HAL: variants seen among roughly 807,000 people sequenced by gnomAD.
The protein encoded by HAL is histidase.
Under a neutral mutation model 81.1 loss-of-function variants are expected in HAL, and 85 were observed. That is an observed-to-expected ratio of 1.05 (90% CI 0.88 to 1.25). The LOEUF (loss-of-function observed/expected upper bound fraction) is 1.25. HAL is among the 50% of genes most tolerant of loss of function. The pLI, the probability that HAL is intolerant of heterozygous loss-of-function variation, is 0.00. For synonymous variants in HAL, 301 were observed against 309.2 expected (o/e 0.97, Z 0.28); for missense variants, 798 against 836.6 (o/e 0.95, Z 0.57).
At chr12:95,984,816 T>C (rs1949859403) in intron 14 of HAL, among the ~76,000 whole-genome samples, 1 of 152,246 alleles carries the variant, frequency 6.6e-6, no homozygotes, top group Admixed American at 6.5e-5. Flanking sequence ...TAGATCTAAT[T>C]TGGCAATTCT....
chr12:95,976,437 C>T lies in HAL; in HGVS notation c.1825G>A (p.Glu609Lys). 1 of 1,613,636 alleles carries T rather than the reference C, an allele frequency of 6.2e-7. No homozygotes were observed. The highest frequency in any genetic ancestry group is 1.1e-5 in the South Asian group (1 of 91,056). The change falls in exon 20 of 21, where the codon GAG becomes AAG. Residue 609 changes from glutamate to lysine, a missense_variant. By Grantham distance (56) the Glu-to-Lys change is moderately conservative. Coordinates refer to ENST00000261208, the MANE Select transcript of HAL (RefSeq NM_002108.4). ...DIEAAHRLLL[E>K]QKVWEVAAPY... ...CCAAGGAGCCAGCTTGCCTTCTGCT[C>T]CAGGAGCAGCCTGTGGGCTGCCTCG...
rs1200148296 is a variant in HAL at position 95,990,614 on chromosome 12, C to T, written c.716-82G>A. 5 of 1,098,170 alleles carry T rather than the reference C, an allele frequency of 4.6e-6. No homozygotes were observed. The Admixed American group carries it at 8.5e-5, about 19-fold the overall frequency. 68.0% of individuals were successfully genotyped at this position (1,098,170 alleles called of 1,614,324 possible). A position where few individuals can be genotyped will look rare whatever the true frequency, so the allele number is the denominator to read the frequency against. ...CTTTGCCAGTGAGTGCCCCCACTGC[C>T]CCCGCAAACACCCTGCCTCCAATAT... On this transcript the variant is annotated intron_variant, in intron 9 of 20. Coordinates refer to ENST00000261208, the MANE Select transcript of HAL (RefSeq NM_002108.4).
rs780228604 is a variant in HAL at position 95,995,769 on chromosome 12, C to T, written c.142G>A (p.Val48Met). ...NKPDNGGFTS[V>M]DDAHFLVRRC... is the part of the protein sequence containing the mutation. ...CGCACAAGGAAGTGCGCGTCATCCA[C>T]GGAGGTGAAGCCACCATTGTCGGGC... Residue 48 changes from valine (V) to methionine (M), a missense_variant, in exon 2 of 21, where the codon GTG (valine) becomes ATG (methionine). By Grantham distance (21) the Val-to-Met change is conservative. Coordinates refer to ENST00000261208, the MANE Select transcript of HAL (RefSeq NM_002108.4). 7.4e-6 allele frequency: 12 copies of T among 1,613,574 alleles called. No homozygotes were observed. In the East Asian group the frequency reaches 1.8e-4, roughly 24 times the overall value.
At chr12:95,975,939 G>A (rs144120696) in intron 20 of HAL, among the ~76,000 whole-genome samples, 1 of 152,282 alleles carries the variant, frequency 6.6e-6, no homozygotes, top group East Asian at 1.9e-4. Context: ...TGTAACCAGT[G>A]GAAATATGCA....
intron 12 of HAL, among the ~76,000 whole-genome samples, chr12:95,986,846 T>C (rs966451175): frequency 5.2e-4 from 79 of 152,072 alleles, no homozygotes; most frequent in African/African-American, 1.9e-3. Flanking sequence ...GGCAAGTCAC[T>C]CAACTTCCGG....
intron 9 of HAL, among the ~76,000 whole-genome samples, 178 bp downstream of exon 9, chr12:95,992,502 G>A (rs538546230): frequency 2.6e-5 from 4 of 152,298 alleles, no homozygotes; most frequent in African/African-American, 9.6e-5. Context: ...AAGCATCTCT[G>A]ATCGACTTTC....
intron 17 of HAL, among the ~76,000 whole-genome samples, chr12:95,978,506 C>T (rs1440278572): frequency 1.3e-5 from 2 of 152,092 alleles, no homozygotes; most frequent in African/African-American, 4.8e-5. Flanking sequence ...GAAGATTTAA[C>T]ACTTCAGAGT....
intron 14 of HAL, among the ~76,000 whole-genome samples, chr12:95,984,482 G>A (rs771419293): frequency 6.6e-5 from 10 of 152,222 alleles, no homozygotes; most frequent in Admixed American, 1.3e-4. Context: ...CATTAAGCAC[G>A]AAGGCATCAC....
rs542966934 is a variant in HAL at position 95,978,736 on chromosome 12, G to T, written c.1520-658C>A. ...CTCTCAGGTGATGGCCATATTGTTGGTCTGAGGACTACACTATAAGTAGCA... is the reference window on the plus strand; with the variant it reads ...CTCTCAGGTGATGGCCATATTGTTGTTCTGAGGACTACACTATAAGTAGCA... On this transcript the variant is annotated intron_variant, in intron 17 of 20. Transcript: ENST00000261208. Among the ~76,000 whole-genome samples the T allele has an allele frequency of 9.2e-5, 14 of 152,262 alleles. No homozygotes were observed. The South Asian group carries it at 2.9e-3, about 32-fold the overall frequency.
chr12:95,986,951 G>T (rs1949896479), intron 12 of HAL, 116 bp downstream of exon 12: 4 of 872,632 alleles, frequency 4.6e-6, no homozygotes, highest in Non-Finnish European at 7.7e-6. Flanking sequence ...CAGGCACTTG[G>T]GTTTTCTCCT....
At position 95,973,949 on chromosome 12, in the gene HAL, T is replaced by A. The variant is rs1031277819; in HGVS notation, c.*283A>T. The stretch of plus-strand genomic sequence containing the variant: ...CAGGCACATACAATTGTGGTTATTC[T>A]TCTCACCCTTAAGAGTGAGTGGCCT... On this transcript the variant is annotated 3_prime_UTR_variant, in exon 21 of 21. Coordinates refer to ENST00000261208, the MANE Select transcript of HAL (RefSeq NM_002108.4). 2 of 422,928 alleles carry A rather than the reference T, an allele frequency of 4.7e-6. No homozygotes were observed. Among genetic ancestry groups the A allele is most frequent in the African/African-American group, 2.0e-5 (1 of 50,938 alleles). The allele number at this position is 422,928 out of a possible 1,614,324, so 26.2% of individuals were successfully genotyped here. A position where few individuals can be genotyped will look rare whatever the true frequency, so the allele number is the denominator to read the frequency against.
At chr12:95,987,615 T>C (rs965322801) in intron 11 of HAL, among the ~76,000 whole-genome samples, 2 of 152,196 alleles carry the variant, frequency 1.3e-5, no homozygotes, top group Admixed American at 6.5e-5. Flanking sequence ...TCTAAGGAAT[T>C]TGGGCTGAGA....
chr12:95,980,303 CA>C (rs2080775013), intron 17 of HAL, among the ~76,000 whole-genome samples: 1 of 152,210 alleles, frequency 6.6e-6, no homozygotes, highest in Non-Finnish European at 1.5e-5. Flanking sequence ...TTGCTTTCCA[CA>C]GAGAAATTGT....
At chr12:95,992,653 G>T in intron 9 of HAL, 27 bp downstream of exon 9, 4 of 1,601,968 alleles carry the variant, frequency 2.5e-6, no homozygotes, top group South Asian at 1.1e-5. Flanking sequence ...CTCCACAGAG[G>T]TTCCGTCTAG....
At chr12:95,995,149 T>C (rs1306851935) in intron 2 of HAL, 156 bp from the exon 3 acceptor site, 1 of 696,276 alleles carries the variant, frequency 1.4e-6, no homozygotes, top group African/African-American at 1.8e-5. Flanking sequence ...AGCATCTTTA[T>C]GTAGGAGGAG....
chr12:95,988,049 C>T (rs1452896550), intron 11 of HAL, 144 bp downstream of exon 11: 7 of 669,684 alleles, frequency 1.0e-5, no homozygotes, highest in African/African-American at 1.8e-5. Context: ...TAAATTCTTA[C>T]GGAGTTGCCC....
In HAL at chr12:95,996,234, G is replaced by T. The variant is rs928484287; in HGVS notation, c.-238C>A. ...TTCTTGTCCCTGATGGCACCTACCT[G>T]CTGCTGGCCCCCTTTCTTCAGGGTC... On this transcript the variant is annotated 5_prime_UTR_variant, in exon 1 of 21. Transcript: ENST00000261208. 1 of 354,994 alleles carries T rather than the reference G, an allele frequency of 2.8e-6. No homozygotes were observed. Among genetic ancestry groups the T allele is most frequent in the Non-Finnish European group, 5.4e-6 (1 of 185,886 alleles). 22.0% of individuals were successfully genotyped at this position (354,994 alleles called of 1,614,324 possible). A position where few individuals can be genotyped will look rare whatever the true frequency, so the allele number is the denominator to read the frequency against.
At chr12:95,982,610 T>A (rs2080807573) in intron 15 of HAL, among the ~76,000 whole-genome samples, 1 of 152,076 alleles carries the variant, frequency 6.6e-6, no homozygotes, top group African/African-American at 2.4e-5. Context: ...TGAGGCTTAT[T>A]TAGTGTGGGT....
At chr12:95,993,265 T>G (rs1182570578) in intron 8 of HAL, among the ~76,000 whole-genome samples, 186 bp downstream of exon 8, 3 of 152,186 alleles carry the variant, frequency 2.0e-5, no homozygotes, top group Non-Finnish European at 2.9e-5. Context: ...TCCCTCCACC[T>G]GGCCCATTTC....
Sources: gnomAD v4.1 joint callset for allele counts (sites outside exome capture counted in the v4.1 genomes callset) on GRCh38, gnomAD v4.1.1 for gene constraint, MANE v1.5 for transcripts, NCBI Gene and HGNC (gene_info 2026-07-23, HGNC 2026-07-21) for gene names.